The following WDFY4 variants were observed in gnomAD, a reference collection of about 807,000 sequenced individuals.
The protein encoded by WDFY4 is WDFY family member 4.
Under a neutral mutation model 351.9 loss-of-function variants are expected in WDFY4, and 169 were observed. The ratio of observed to expected loss-of-function variants is 0.48; its 90% CI spans 0.42 to 0.55. WDFY4 has a LOEUF of 0.55. Among genes scored for constraint, WDFY4 ranks in the 20% least tolerant of loss-of-function variants. WDFY4 has a pLI of 0.00. For missense variants in WDFY4, 3,803 were observed against 3,935.6 expected, an observed-to-expected ratio of 0.97 and a Z score of 0.90; for synonymous variants, 1,622 against 1,574.6, an observed-to-expected ratio of 1.03 and a Z score of -0.71.
chr10:48,823,834 C>T, intron 35 of WDFY4: 1 of 987,818 alleles, frequency 1.0e-6, no homozygotes, highest in Non-Finnish European at 1.2e-6. Context: ...GATGCCTGCC[C>T]CTCTTAACCT....
chr10:48,787,887 TC>T (rs2066489971), intron 20 of WDFY4, among the ~76,000 whole-genome samples: 2 of 78,716 alleles, frequency 2.5e-5, no homozygotes, highest in African/African-American at 1.8e-4. Flanking sequence ...TCTTTCTTCT[TC>T]TTCTCCTTCT....
rs776389882 is a variant in WDFY4 at position 48,774,441 on chromosome 10, G to T, written c.2554-17G>T. On this transcript the variant is annotated splice_polypyrimidine_tract_variant and intron_variant, in intron 13 of 61. Transcript: ENST00000325239. Reference sequence around the variant, plus strand: ...TTCTGCCCTGGAGGGCTCACAGCTTGCTTTGGTCACTCTTAGCTTTCCGAG... The same window carrying T: ...TTCTGCCCTGGAGGGCTCACAGCTTTCTTTGGTCACTCTTAGCTTTCCGAG... The T allele has an allele frequency of 2.6e-6, 4 of 1,551,564 alleles. No individual in the cohort carries two copies. The highest frequency in any genetic ancestry group is 3.5e-6 in the Non-Finnish European group (4 of 1,146,962).
At chr10:48,910,113 C>T in intron 47 of WDFY4, 2 of 905,122 alleles carry the variant, frequency 2.2e-6, no homozygotes, top group Non-Finnish European at 1.8e-6. Context: ...TTGGCCAGCT[C>T]CGGCGAGCCT....
chr10:48,822,238 C>G (rs1005964737), intron 34 of WDFY4, 142 bp from the exon 35 acceptor site: 1 of 833,104 alleles, frequency 1.2e-6, no homozygotes, highest in Admixed American at 3.8e-5. Context: ...TTGGGCACCT[C>G]GTCAGTACAA....
At chr10:48,847,635 C>T (rs867198529) in intron 39 of WDFY4, among the ~76,000 whole-genome samples, 2 of 152,024 alleles carry the variant, frequency 1.3e-5, no homozygotes, top group Non-Finnish European at 2.9e-5. Context: ...GCCAGCGTGG[C>T]GACACCTCCC....
At chr10:48,753,697 C>G (rs1005974749) in intron 12 of WDFY4, among the ~76,000 whole-genome samples, 1 of 152,176 alleles carries the variant, frequency 6.6e-6, no homozygotes, top group African/African-American at 2.4e-5. Flanking sequence ...GATTCTCAAT[C>G]CTATTTCATT....
At chr10:48,870,680 T>C (rs1235137839) in intron 40 of WDFY4, among the ~76,000 whole-genome samples, 1 of 152,220 alleles carries the variant, frequency 6.6e-6, no homozygotes, top group Non-Finnish European at 1.5e-5. Flanking sequence ...AAGAGGGCCT[T>C]ACACTGTGCA....
intron 47 of WDFY4, among the ~76,000 whole-genome samples, chr10:48,933,224 T>G (rs1461277357): frequency 6.6e-6 from 1 of 152,170 alleles, no homozygotes; most frequent in Non-Finnish European, 1.5e-5. Flanking sequence ...AGGCTGGAAC[T>G]GCTAGAGGGG....
intron 1 of WDFY4, among the ~76,000 whole-genome samples, chr10:48,702,801 C>A (rs536664937): frequency 3.3e-4 from 51 of 152,304 alleles, no homozygotes; most frequent in African/African-American, 1.2e-3. Flanking sequence ...CCCGAAACTG[C>A]CAAACTTCCT....
At chr10:48,748,762 C>G (rs2065088828) in intron 12 of WDFY4, among the ~76,000 whole-genome samples, 1 of 152,182 alleles carries the variant, frequency 6.6e-6, no homozygotes, top group African/African-American at 2.4e-5. Flanking sequence ...AAACTCTACC[C>G]CCTCCAGGGA....
intron 15 of WDFY4, 27 bp from the exon 16 acceptor site, chr10:48,776,723 C>T: frequency 1.3e-6 from 2 of 1,485,230 alleles, no homozygotes; most frequent in Non-Finnish European, 1.8e-6. Context: ...AGCAGAGACA[C>T]ATCTCTTCTC....
chr10:48,864,342 G>A (rs764206020), intron 39 of WDFY4, among the ~76,000 whole-genome samples: 7 of 152,094 alleles, frequency 4.6e-5, no homozygotes, highest in African/African-American at 9.7e-5. Flanking sequence ...AAGACTATTC[G>A]TTCCCCATTG....
intron 39 of WDFY4, among the ~76,000 whole-genome samples, chr10:48,851,923 G>A (rs1283650801): frequency 1.3e-5 from 2 of 152,266 alleles, no homozygotes; most frequent in Non-Finnish European, 2.9e-5. Context: ...GCCTAGACCC[G>A]CTTTGCCTCC....
intron 24 of WDFY4, chr10:48,801,621 C>T (rs769476901): frequency 5.0e-6 from 2 of 396,120 alleles, no homozygotes; most frequent in Non-Finnish European, 1.0e-5. Context: ...TGGGCAGTGG[C>T]TGTGCTTAAA....
chr10:48,889,528 G>C (rs925799169), intron 43 of WDFY4, among the ~76,000 whole-genome samples: 1 of 151,626 alleles, frequency 6.6e-6, no homozygotes, highest in Non-Finnish European at 1.5e-5. Flanking sequence ...TATCTATTCT[G>C]CTTTTGTATA....
intron 2 of WDFY4, among the ~76,000 whole-genome samples, chr10:48,717,944 C>T (rs2132256363): frequency 6.6e-6 from 1 of 152,254 alleles, no homozygotes; most frequent in East Asian, 1.9e-4. Flanking sequence ...AGAGTGTGTG[C>T]CCCTGTAACT....
At chr10:48,918,540 T>C (rs1325784325) in intron 47 of WDFY4, among the ~76,000 whole-genome samples, 1 of 152,196 alleles carries the variant, frequency 6.6e-6, no homozygotes, top group Non-Finnish European at 1.5e-5. Context: ...CCTAAATGTG[T>C]ATGTACCTAA....
At chr10:48,885,864 A>G (rs766605991) in intron 43 of WDFY4, among the ~76,000 whole-genome samples, 1 of 152,186 alleles carries the variant, frequency 6.6e-6, no homozygotes. Context: ...GATAGAAAAA[A>G]GTAGATACTA....
intron 33 of WDFY4, 96 bp downstream of exon 33, chr10:48,820,533 T>TG: frequency 7.5e-7 from 1 of 1,333,848 alleles, no homozygotes; most frequent in Non-Finnish European, 1.0e-6. Flanking sequence ...ACAGAGGGCC[T>TG]GGGGGCCACA....
Sources: allele counts gnomAD v4.1 joint callset (sites outside exome capture counted in the v4.1 genomes callset), GRCh38; gene constraint gnomAD v4.1.1; transcripts MANE v1.5; gene names NCBI Gene and HGNC (gene_info 2026-07-23, HGNC 2026-07-21).